The following DOT1L variants were observed in gnomAD, a reference collection of about 807,000 sequenced individuals.
The protein encoded by DOT1L is DOT1 like histone lysine methyltransferase, also known as histone-lysine N-methyltransferase, H3 lysine-79 specific.
DOT1L carries 33 observed loss-of-function variants against 153.3 expected under a neutral mutation model. The observed-to-expected ratio is 0.22, with a 90% confidence interval of 0.16 to 0.29. The LOEUF (loss-of-function observed/expected upper bound fraction) is 0.29, where lower values mean the gene tolerates loss of function less well. DOT1L is among the 10% of genes least tolerant of loss of function. The pLI, the probability that DOT1L is intolerant of heterozygous loss-of-function variation, is 1.00. For missense variants in DOT1L, 1,847 were observed against 2,119.9 expected (o/e 0.87, Z 2.53); for synonymous variants, 1,135 against 965.1 (o/e 1.18, Z -3.26).
chr19:2,164,292 C>T (rs1599515540), intron 1 of DOT1L, 27 bp downstream of exon 1: 5 of 1,239,408 alleles, frequency 4.0e-6, no homozygotes, highest in Admixed American at 4.1e-5. Flanking sequence ...ACCGTCCCTA[C>T]CTCCCGGCCT....
intron 1 of DOT1L, among the ~76,000 whole-genome samples, chr19:2,170,436 C>CGGTTCCTCCT: frequency 6.6e-6 from 1 of 152,272 alleles, no homozygotes; most frequent in South Asian, 2.1e-4. Context: ...GGACCCAACA[C>CGGTTCCTCCT]GGTTCCTCCT....
At chr19:2,214,175 G>A (rs2023818274) in intron 18 of DOT1L, 189 bp downstream of exon 18, 15 of 1,076,730 alleles carry the variant, frequency 1.4e-5, no homozygotes, top group Non-Finnish European at 1.7e-5. Flanking sequence ...CCCTCGGCTG[G>A]ATGGTTTCTC....
intron 1 of DOT1L, among the ~76,000 whole-genome samples, chr19:2,174,994 G>GTGTGTA (rs764261033): frequency 8.0e-4 from 64 of 80,502 alleles, no homozygotes; most frequent in Non-Finnish European, 1.2e-3. Flanking sequence ...GTGTGTGTGT[G>GTGTGTA]TATATATATA....
intron 26 of DOT1L, 114 bp from the exon 27 acceptor site, chr19:2,226,069 G>C (rs901346616): frequency 2.6e-5 from 32 of 1,220,496 alleles, no homozygotes; most frequent in Non-Finnish European, 3.2e-5. Context: ...TTGAGTGTCT[G>C]TGACCAGCCC....
At position 2,225,436 on chromosome 19, in the gene DOT1L, G is replaced by T. The variant is rs369090875; in HGVS notation, c.3645G>T (p.Pro1215=). The change falls in exon 26 of 28, where the codon CCG becomes CCT. Residue 1215 remains proline, a synonymous_variant. Coordinates refer to ENST00000398665, the MANE Select transcript of DOT1L (RefSeq NM_032482.3). The stretch of plus-strand genomic sequence containing the variant: ...TCTCCTTAGAAAGCAAATCTCCCCC[G>T]AAAACCTTGGAAAATGGTGAGTAAC... ...ATISLESKSP[P]KTLENGGGLA... The T allele has an allele frequency of 1.2e-6, 2 of 1,614,132 alleles. No individual in the cohort carries two copies. The highest frequency in any genetic ancestry group is 1.7e-5 in the Admixed American group (1 of 60,024).
chr19:2,210,778 A>G lies in DOT1L; in HGVS notation c.1274A>G (p.Lys425Arg), dbSNP rs2144832886. ...ATGAACACTGCGAACCCCGAGCGGA[A>G]GCCCAAGAAGAACCAAACTGCACTG... ...KKMNTANPER[K>R]PKKNQTALDA... is the part of the protein sequence containing the mutation. Residue 425 changes from lysine (K) to arginine (R), a missense_variant, in exon 14 of 28, where the codon AAG becomes AGG. Lys to Arg is a conservative substitution (Grantham distance 26). Around this residue, in one of 8 missense-constraint regions of DOT1L, gnomAD observed 205 missense variants for 203.1 expected, o/e 1.01. Transcript: ENST00000398665. 1.2e-6 allele frequency: 2 copies of G among 1,613,056 alleles called. No individual in the cohort carries two copies. The highest frequency in any genetic ancestry group is 2.2e-5 in the South Asian group (2 of 91,082).
intron 26 of DOT1L, among the ~76,000 whole-genome samples, 159 bp downstream of exon 26, chr19:2,225,611 C>T (rs1284557194): frequency 6.6e-6 from 1 of 151,936 alleles, no homozygotes; most frequent in Non-Finnish European, 1.5e-5. Context: ...TGCGTCGTGT[C>T]CTGCGTGGGC....
At chr19:2,224,281 C>T (rs111687169) in intron 25 of DOT1L, among the ~76,000 whole-genome samples, 2,169 of 152,208 alleles carry the variant, frequency 0.014, 49 homozygotes, top group African/African-American at 0.049. Flanking sequence ...GGTGCCTGGG[C>T]GGAGGTGCTG....
chr19:2,167,148 C>A (rs529073816), intron 1 of DOT1L, among the ~76,000 whole-genome samples: 2 of 152,126 alleles, frequency 1.3e-5, no homozygotes, highest in Non-Finnish European at 2.9e-5. Flanking sequence ...AGAATAAACC[C>A]GCACTAAACA....
chr19:2,225,335 A>G, intron 25 of DOT1L, 53 bp from the exon 26 acceptor site: 1 of 1,552,160 alleles, frequency 6.4e-7, no homozygotes. Flanking sequence ...CATTTGTGTC[A>G]TTCTTAGTAT....
intron 8 of DOT1L, among the ~76,000 whole-genome samples, chr19:2,200,320 A>G (rs763156456): frequency 4.6e-4 from 69 of 150,740 alleles, no homozygotes; most frequent in Non-Finnish European, 8.0e-4. Context: ...CCCACACAGC[A>G]CTATGAGGGC....
At chr19:2,174,054 C>T (rs969369780) in intron 1 of DOT1L, among the ~76,000 whole-genome samples, 4 of 152,200 alleles carry the variant, frequency 2.6e-5, no homozygotes, top group African/African-American at 9.7e-5. Context: ...GAACTCCTGG[C>T]TCAAGCGATC....
intron 12 of DOT1L, among the ~76,000 whole-genome samples, chr19:2,209,461 C>T (rs780543424): frequency 6.6e-6 from 1 of 152,214 alleles, no homozygotes; most frequent in Non-Finnish European, 1.5e-5. Flanking sequence ...GCTGGCTGCC[C>T]CCTCTTGAGG....
intron 8 of DOT1L, among the ~76,000 whole-genome samples, chr19:2,201,777 C>T (rs1200493166): frequency 1.3e-5 from 2 of 152,258 alleles, no homozygotes; most frequent in Admixed American, 1.3e-4. Flanking sequence ...CCCAGGCTCT[C>T]ACAGTTCCTC....
rs1447782754 is a variant in DOT1L at position 2,222,032 on chromosome 19, T to C, written c.2863T>C (p.Ser955Pro). The C allele has an allele frequency of 1.2e-6, 2 of 1,612,680 alleles. No individual in the cohort carries two copies. The highest frequency in any genetic ancestry group is 2.2e-5 in the South Asian group (2 of 91,070). ...ISGALAGSPA[S>P]LTPGAEPATL... ...CGGGGCCTTGGCGGGCAGCCCGGCC[T>C]CTCTCACACCTGGAGCCGAGCCGGC... is the stretch of plus-strand genomic sequence containing the variant. Residue 955 changes from serine to proline, a missense_variant, in exon 24 of 28, where the codon TCT becomes CCT. Ser to Pro is a moderately conservative substitution (Grantham distance 74). Transcript: ENST00000398665. This position sits in a 1 kb window ranked among gnomAD's most constrained non-coding sequence, Gnocchi z 6.5.
chr19:2,189,223 T>C (rs943211875), intron 3 of DOT1L, among the ~76,000 whole-genome samples: 1 of 152,130 alleles, frequency 6.6e-6, no homozygotes, highest in Non-Finnish European at 1.5e-5. Context: ...TGGGTGGGGG[T>C]GAGGCATCTT....
chr19:2,229,908 G>A lies in DOT1L; in HGVS notation c.*116G>A, dbSNP rs996226552. ...CCCCTGGACGGCAGAGGCAAGGACG[G>A]ACGGGAGCTCCACTGTGAATCGGCG... is the stretch of plus-strand genomic sequence containing the variant. On this transcript the variant is annotated 3_prime_UTR_variant, in exon 28 of 28. Coordinates refer to ENST00000398665, the MANE Select transcript of DOT1L (RefSeq NM_032482.3). 6 of 1,586,682 alleles carry A rather than the reference G, an allele frequency of 3.8e-6. No individual in the cohort carries two copies. In the African/African-American group the frequency reaches 8.1e-5, roughly 21 times the overall value.
intron 27 of DOT1L, 130 bp downstream of exon 27, chr19:2,227,257 C>T (rs771228904): frequency 8.2e-7 from 1 of 1,226,106 alleles, no homozygotes. Context: ...GGCCGGCCCC[C>T]GCCATCCGTG....
In DOT1L at chr19:2,230,870, A is replaced by C; in HGVS notation, c.*1078A>C. The C allele has an allele frequency of 3.0e-6, 1 of 332,782 alleles. No homozygotes were observed. The allele number at this position is 332,782 out of a possible 1,614,324, so 20.6% of individuals were successfully genotyped here. ...CTGCCGGCGCCCCTGCCTGCCCCACATCCCTTCCTGTCAGGGCCACGCCTG... is the reference window on the plus strand; with the variant it reads ...CTGCCGGCGCCCCTGCCTGCCCCACCTCCCTTCCTGTCAGGGCCACGCCTG... On this transcript the variant is annotated 3_prime_UTR_variant, in exon 28 of 28. Coordinates refer to ENST00000398665, the MANE Select transcript of DOT1L (RefSeq NM_032482.3).
Sources: allele counts gnomAD v4.1 joint callset (sites outside exome capture counted in the v4.1 genomes callset), GRCh38; gene constraint gnomAD v4.1.1; regional missense constraint gnomAD v4.1.1; non-coding constraint Gnocchi (gnomAD v3.1); transcripts MANE v1.5; gene names NCBI Gene and HGNC (gene_info 2026-07-23, HGNC 2026-07-21).